The following CRYM variants were observed in gnomAD, a reference collection of about 807,000 sequenced individuals.
CRYM encodes the protein crystallin mu.
In CRYM, 18 loss-of-function variants were observed where a neutral mutation model predicts 32.9. The ratio of observed to expected loss-of-function variants is 0.55; its 90% CI spans 0.38 to 0.81. The LOEUF is 0.81. Ranked by LOEUF, CRYM falls within the 30% of genes least tolerant of loss-of-function variation. The pLI, the probability that CRYM is intolerant of heterozygous loss-of-function variation, is 0.00. For synonymous variants in CRYM, 153 were observed against 152.4 expected, an observed-to-expected ratio of 1.00 and a Z score of -0.03; for missense variants, 337 against 393.5, an observed-to-expected ratio of 0.86 and a Z score of 1.21.
At chr16:21,295,529 T>G (rs1400246414) in intron 1 of CRYM, among the ~76,000 whole-genome samples, 2 of 152,196 alleles carry the variant, frequency 1.3e-5, no homozygotes, top group Non-Finnish European at 1.5e-5. Flanking sequence ...TTGGAATAGG[T>G]AGTTCTTTTT....
At chr16:21,273,166 A>T (rs1003446621) in intron 3 of CRYM, among the ~76,000 whole-genome samples, 2 of 152,154 alleles carry the variant, frequency 1.3e-5, no homozygotes, top group African/African-American at 4.8e-5. Context: ...AACATATCAG[A>T]GGCTTCAATG....
chr16:21,273,235 C>T (rs1448011634), intron 3 of CRYM, among the ~76,000 whole-genome samples: 1 of 152,064 alleles, frequency 6.6e-6, no homozygotes, highest in Non-Finnish European at 1.5e-5. Flanking sequence ...CCTAGAGCTC[C>T]GTATACTTAT....
At position 21,261,297 on chromosome 16, in the gene CRYM, C is replaced by T. The variant is rs2093353917; in HGVS notation, c.837G>A (p.Val279=). The T allele has an allele frequency of 6.2e-7, 1 of 1,614,122 alleles. No individual in the cohort carries two copies. The highest frequency in any genetic ancestry group is 8.5e-7 in the Non-Finnish European group (1 of 1,180,016). ...TGGTCTTCTCACAGTGGGCTGGTTTCACTCCCTTAATCACTTCTCCCAGCT... is the reference window on the plus strand; with the variant it reads ...TGGTCTTCTCACAGTGGGCTGGTTTTACTCCCTTAATCACTTCTCCCAGCT... The part of the protein sequence containing the change: ...FAELGEVIKG[V]KPAHCEKTTV... The change falls in exon 7 of 8, where the codon GTG becomes GTA. Residue 279 remains valine, a synonymous_variant. Coordinates refer to ENST00000572914, the MANE Select transcript of CRYM (RefSeq NM_001376256.1).
At chr16:21,261,976 C>A (rs2093355319) in intron 6 of CRYM, 61 bp downstream of exon 6, 1 of 1,610,112 alleles carries the variant, frequency 6.2e-7, no homozygotes, top group East Asian at 2.2e-5. Context: ...GTTAATGAAA[C>A]CCTGGGATCC....
intron 1 of CRYM, among the ~76,000 whole-genome samples, chr16:21,290,888 C>T (rs889987969): frequency 1.3e-5 from 2 of 152,040 alleles, no homozygotes; most frequent in East Asian, 1.9e-4. Flanking sequence ...ATAAAATAAA[C>T]GGTATGAGAA....
chr16:21,278,033 C>G lies in CRYM; in HGVS notation c.170+49G>C, dbSNP rs944589009. On this transcript the variant is annotated intron_variant, in intron 1 of 7. Coordinates refer to ENST00000572914, the MANE Select transcript of CRYM (RefSeq NM_001376256.1). Reference sequence around the variant, plus strand: ...CCCCTCCTCTTCCTGCTCCTCCTTTCCCCGCTTTCCAGTTTCTCCTGCCCC... The same window carrying G: ...CCCCTCCTCTTCCTGCTCCTCCTTTGCCCGCTTTCCAGTTTCTCCTGCCCC... 5 of 1,516,214 alleles carry G rather than the reference C, an allele frequency of 3.3e-6. No individual in the cohort carries two copies. The African/African-American group carries it at 5.5e-5, about 17-fold the overall frequency. 93.9% of individuals were successfully genotyped at this position (1,516,214 alleles called of 1,614,324 possible).
At chr16:21,292,511 G>A (rs780723605) in intron 1 of CRYM, among the ~76,000 whole-genome samples, 3 of 152,002 alleles carry the variant, frequency 2.0e-5, no homozygotes, top group Non-Finnish European at 2.9e-5. Context: ...TGATTTATAC[G>A]CTCAAAACAA....
intron 1 of CRYM, among the ~76,000 whole-genome samples, chr16:21,302,336 ATACT>A (rs1960969674): frequency 6.6e-6 from 1 of 152,232 alleles, no homozygotes; most frequent in Non-Finnish European, 1.5e-5. Flanking sequence ...GGCAGTCCTG[ATACT>A]TACATTGCGA....
In CRYM at chr16:21,258,574, A is replaced by T; in HGVS notation, c.*207T>A. On this transcript the variant is annotated 3_prime_UTR_variant, in exon 8 of 8. Coordinates refer to ENST00000572914, the MANE Select transcript of CRYM (RefSeq NM_001376256.1). ...GGAAATATAAAGGGAAATGAATGCT[A>T]TTATAACTTGGTAGAACAGAAGAAA... 1 of 610,384 alleles carries T rather than the reference A, an allele frequency of 1.6e-6. No individual in the cohort carries two copies. The highest frequency in any genetic ancestry group is 2.8e-5 in the East Asian group (1 of 35,160). 37.8% of individuals were successfully genotyped at this position (610,384 alleles called of 1,614,324 possible).
In CRYM at chr16:21,258,562, G is replaced by A. The variant is rs995345639; in HGVS notation, c.*219C>T. 1.7e-5 allele frequency: 10 copies of A among 592,430 alleles called. No homozygotes were observed. Among genetic ancestry groups the A allele is most frequent in the Admixed American group, 2.9e-5 (1 of 34,980 alleles). The allele number at this position is 592,430 out of a possible 1,614,324, so 36.7% of individuals were successfully genotyped here. On this transcript the variant is annotated 3_prime_UTR_variant, in exon 8 of 8. Transcript: ENST00000572914. Reference sequence around the variant, plus strand: ...GCTTTATTTCAGGGAAATATAAAGGGAAATGAATGCTATTATAACTTGGTA... The same window carrying A: ...GCTTTATTTCAGGGAAATATAAAGGAAAATGAATGCTATTATAACTTGGTA...
chr16:21,293,002 GAATA>G (rs1270420876), intron 1 of CRYM, among the ~76,000 whole-genome samples: 2 of 151,102 alleles, frequency 1.3e-5, no homozygotes, highest in African/African-American at 4.9e-5. Flanking sequence ...ATGGATGAAT[GAATA>G]GATGGATAGG....
rs150704285 is a variant in CRYM at position 21,296,289 on chromosome 16, G to C, written c.-193+6689C>G. Among the ~76,000 whole-genome samples, 8 of 152,258 alleles carry C rather than the reference G, an allele frequency of 5.3e-5. No individual in the cohort carries two copies. In the East Asian group the frequency reaches 1.5e-3, roughly 29 times the overall value. On this transcript the variant is annotated intron_variant, in intron 1 of 9. Transcript: ENST00000219599. ...AACACTTACTTTTCAAGAGCTAATA[G>C]TGTGGAAAGTGTAAGGGAAATGGAG...
chr16:21,258,854 G>A lies in CRYM; in HGVS notation c.881-9C>T, dbSNP rs1207143977. 6.2e-7 allele frequency: 1 copy of A among 1,613,906 alleles called. No individual in the cohort carries two copies. The highest frequency in any genetic ancestry group is 8.5e-7 in the Non-Finnish European group (1 of 1,179,864). ...GTCTTCCACTGCCATTCCTAGAATA[G>A]ACAGAAATTTGGTTCGCCTTTGGTC... On this transcript the variant is annotated splice_polypyrimidine_tract_variant and intron_variant, in intron 7 of 7. Coordinates refer to ENST00000572914, the MANE Select transcript of CRYM (RefSeq NM_001376256.1).
At chr16:21,263,230 T>C (rs1378944627) in intron 5 of CRYM, among the ~76,000 whole-genome samples, 5 of 152,056 alleles carry the variant, frequency 3.3e-5, no homozygotes, top group African/African-American at 1.2e-4. Flanking sequence ...GGTGAAACCC[T>C]GTCTCTACTG....
Position 21,272,624 on chromosome 16 carries a change from G to A in CRYM, c.388-2733C>T, listed in dbSNP as rs1213301908. ...TTACACTCTTACAGCACTTGTCAGC[G>A]TTGTAGTTTCATATTTATTGGTGTG... On this transcript the variant is annotated intron_variant, in intron 3 of 7. Transcript: ENST00000572914. 6.6e-5 allele frequency among the ~76,000 whole-genome samples: 10 copies of A among 150,942 alleles called. No individual in the cohort carries two copies. The East Asian group carries it at 7.8e-4, about 12-fold the overall frequency.
chr16:21,284,698 T>C (rs1189838377), intron 1 of CRYM, among the ~76,000 whole-genome samples: 10 of 152,220 alleles, frequency 6.6e-5, no homozygotes, highest in Admixed American at 6.5e-4. Flanking sequence ...GGCACCTAGG[T>C]TGATTCTATG....
At chr16:21,297,848 G>A (rs756691061) in intron 1 of CRYM, among the ~76,000 whole-genome samples, 17 of 152,132 alleles carry the variant, frequency 1.1e-4, no homozygotes, top group Non-Finnish European at 1.9e-4. Context: ...TTTCAGATTG[G>A]CTAACAAGCA....
At position 21,278,165 on chromosome 16, in the gene CRYM, C is replaced by T. The variant is rs1331683985; in HGVS notation, c.87G>A (p.Thr29=). ...GACCGCTGGAGAAGTTGGCCAGGGCCGTCTCTAGAGGCGGGATGAGGAGGC... is the reference window on the plus strand; with the variant it reads ...GACCGCTGGAGAAGTTGGCCAGGGCTGTCTCTAGAGGCGGGATGAGGAGGC... ...SSSLLIPPLE[T]ALANFSSGPE... Residue 29 remains threonine, a synonymous_variant, in exon 1 of 8, where the codon ACG becomes ACA. Coordinates refer to ENST00000572914, the MANE Select transcript of CRYM (RefSeq NM_001376256.1). 2.6e-6 allele frequency: 4 copies of T among 1,554,874 alleles called. No homozygotes were observed. The highest frequency in any genetic ancestry group is 3.5e-6 in the Non-Finnish European group (4 of 1,149,694).
intron 1 of CRYM, among the ~76,000 whole-genome samples, chr16:21,293,679 A>G (rs1358597654): frequency 6.6e-6 from 1 of 152,246 alleles, no homozygotes; most frequent in Non-Finnish European, 1.5e-5. Flanking sequence ...TTAACTTCAT[A>G]CAGATATTAG....
Sources: allele counts gnomAD v4.1 joint callset (sites outside exome capture counted in the v4.1 genomes callset), GRCh38; gene constraint gnomAD v4.1.1; transcripts MANE v1.5; gene names NCBI Gene and HGNC (gene_info 2026-07-23, HGNC 2026-07-21).